RFC1: variants seen among roughly 807,000 people sequenced by gnomAD.
RFC1 encodes replication factor C subunit 1, also known as A1 140 kDa subunit.
In RFC1, 37 loss-of-function variants were observed where a neutral mutation model predicts 137.4. The ratio of observed to expected loss-of-function variants is 0.27; its 90% CI spans 0.21 to 0.35. The LOEUF is 0.35. RFC1 is among the 10% of genes least tolerant of loss of function. The probability of loss-of-function intolerance (pLI) is 1.00; values close to 1 mark genes in which losing one functional copy is unlikely to be tolerated. For synonymous variants in RFC1, 429 were observed against 455.7 expected (o/e 0.94, Z 0.75); for missense variants, 1,205 against 1,358.5 (o/e 0.89, Z 1.78).
In RFC1 at chr4:39,326,644, T is replaced by C; in HGVS notation, c.565-4A>G. 19 of 1,609,098 alleles carry C rather than the reference T, an allele frequency of 1.2e-5. No individual in the cohort carries two copies. The highest frequency in any genetic ancestry group is 1.4e-5 in the Non-Finnish European group (17 of 1,176,674). On this transcript the variant is annotated splice_region_variant and splice_polypyrimidine_tract_variant and intron_variant, in intron 5 of 24. Coordinates refer to ENST00000349703, the MANE Select transcript of RFC1 (RefSeq NM_002913.5). ...ACTCATCTGTATTTTGTGAAAGCTA[T>C]ATTTCAAAGAAAATCAAGCAAAATC... is the stretch of plus-strand genomic sequence containing the variant.
At chr4:39,331,225 ATTTGC>A (rs1156902647) in intron 4 of RFC1, among the ~76,000 whole-genome samples, 3 of 152,180 alleles carry the variant, frequency 2.0e-5, no homozygotes, top group Non-Finnish European at 4.4e-5. Context: ...TATAATGTTT[ATTTGC>A]TTTAAGTTCA....
Position 39,352,892 on chromosome 4 carries a change from C to T in RFC1, c.4-1416G>A, listed in dbSNP as rs950084871. On this transcript the variant is annotated intron_variant, in intron 1 of 24. Transcript: ENST00000349703. ...TTTTTATCACTTTTTATCCCTACAA[C>T]CTACCTCTCTTTATTGCCTGAGAGA... Among the ~76,000 whole-genome samples, 4 of 152,154 alleles carry T rather than the reference C, an allele frequency of 2.6e-5. No homozygotes were observed. The East Asian group carries it at 5.8e-4, about 22-fold the overall frequency.
chr4:39,291,697 A>T lies in RFC1; in HGVS notation c.3110T>A (p.Ile1037Asn). ...GCCACCCCAGCTGCTGATTTCCATG[A>T]TATTCTCAAAGTCTTCTTTCATCAA... ...YYLMKEDFENIMEISSWGGKP... is the reference protein window; with the variant it reads ...YYLMKEDFENNMEISSWGGKP... Residue 1037 changes from isoleucine (I) to asparagine (N), a missense_variant, in exon 23 of 25, where the codon ATC becomes AAC. This residue lies in a region of RFC1 where 237 missense variants were observed against 304.2 expected (regional missense o/e 0.78). Transcript: ENST00000349703. 6.2e-7 allele frequency: 1 copy of T among 1,614,114 alleles called. No homozygotes were observed. The highest frequency in any genetic ancestry group is 8.5e-7 in the Non-Finnish European group (1 of 1,180,004).
chr4:39,328,831 C>T (rs991191964), intron 4 of RFC1, among the ~76,000 whole-genome samples: 3 of 152,102 alleles, frequency 2.0e-5, no homozygotes, highest in Admixed American at 1.3e-4. Context: ...AGGGAGACCA[C>T]TTAGAAAGCT....
chr4:39,362,372 T>C (rs1170061562), intron 1 of RFC1, among the ~76,000 whole-genome samples: 2 of 152,196 alleles, frequency 1.3e-5, no homozygotes, highest in Non-Finnish European at 2.9e-5. Flanking sequence ...GTGGAGGACA[T>C]ACTTCCTGAC....
At chr4:39,322,534 T>C (rs2109673127) in intron 7 of RFC1, 2 of 152,350 alleles carry the variant, frequency 1.3e-5, no homozygotes, top group Middle Eastern at 6.8e-3. Flanking sequence ...TGATTAATAC[T>C]GAAGTTATTA....
chr4:39,294,744 T>C (rs1578102188), intron 22 of RFC1, among the ~76,000 whole-genome samples: 1 of 151,934 alleles, frequency 6.6e-6, no homozygotes, highest in South Asian at 2.1e-4. Flanking sequence ...GGCTCACGCC[T>C]GTAATCTCAA....
chr4:39,327,462 C>T, intron 5 of RFC1, 62 bp downstream of exon 5: 1 of 997,874 alleles, frequency 1.0e-6, no homozygotes, highest in Non-Finnish European at 1.5e-6. Context: ...CTAGTTTCTC[C>T]TGTTAATATT....
At chr4:39,349,228 C>T (rs77005976) in intron 2 of RFC1, among the ~76,000 whole-genome samples, 8,252 of 152,178 alleles carry the variant, frequency 0.054, 261 homozygotes, top group African/African-American at 0.076. Context: ...GCAAGAAGGA[C>T]ATAAATTCTG....
chr4:39,294,273 G>A (rs954244312), intron 22 of RFC1, among the ~76,000 whole-genome samples: 2 of 152,142 alleles, frequency 1.3e-5, no homozygotes, highest in Non-Finnish European at 2.9e-5. Context: ...AACTAGCTCA[G>A]GTCAGCTCTA....
intron 4 of RFC1, among the ~76,000 whole-genome samples, chr4:39,331,559 T>G (rs1057108025): frequency 2.5e-4 from 38 of 152,162 alleles, no homozygotes; most frequent in African/African-American, 8.9e-4. Context: ...GATGTGAGTA[T>G]TGTGTATAAT....
chr4:39,355,745 T>G (rs1741440844), intron 1 of RFC1: 1 of 152,348 alleles, frequency 6.6e-6, no homozygotes, highest in African/African-American at 2.4e-5. Flanking sequence ...GGCTAACCCC[T>G]GTAATACCAG....
At chr4:39,341,825 T>C (rs1740618201) in intron 4 of RFC1, among the ~76,000 whole-genome samples, 1 of 152,224 alleles carries the variant, frequency 6.6e-6, no homozygotes, top group Admixed American at 6.5e-5. Context: ...CACATAATTA[T>C]TTATAAATGT....
intron 1 of RFC1, among the ~76,000 whole-genome samples, chr4:39,357,491 A>G (rs1741534566): frequency 6.6e-6 from 1 of 152,238 alleles, no homozygotes. Flanking sequence ...TCATACCTGC[A>G]TAACTGGGAT....
chr4:39,305,939 A>G (rs1560595398), intron 14 of RFC1, among the ~76,000 whole-genome samples: 1 of 152,246 alleles, frequency 6.6e-6, no homozygotes, highest in Non-Finnish European at 1.5e-5. Flanking sequence ...ATACAACAAA[A>G]AAACAAAAGA....
rs17754 is a variant in RFC1 at position 39,287,688 on chromosome 4, G to C, written c.*1073C>G. On this transcript the variant is annotated 3_prime_UTR_variant, in exon 25 of 25. Transcript: ENST00000349703. ...TACCAACAAGATTAAAAAATAGCTA[G>C]ACATCTAAATTCCAGGCTAGGTCCA... The C allele has an allele frequency of 0.47, 71,237 of 152,004 alleles. 19,139 individuals carry two copies. Among genetic ancestry groups the C allele is most frequent in the East Asian group, 0.62 (3,230 of 5,170 alleles). The allele number at this position is 152,004 out of a possible 1,614,324, so 9.4% of individuals were successfully genotyped here. A position where few individuals can be genotyped will look rare whatever the true frequency, so the allele number is the denominator to read the frequency against.
intron 1 of RFC1, among the ~76,000 whole-genome samples, chr4:39,357,713 T>C (rs896659264): frequency 6.6e-6 from 1 of 151,696 alleles, no homozygotes; most frequent in Non-Finnish European, 1.5e-5. Context: ...AACTCCCAGG[T>C]TCATGCAGTT....
chr4:39,342,524 C>T (rs1740657609), intron 3 of RFC1, 57 bp from the exon 4 acceptor site: 2 of 1,556,190 alleles, frequency 1.3e-6, no homozygotes, highest in Admixed American at 1.7e-5. Context: ...TAATATAGTG[C>T]ATGTTTAAAG....
At chr4:39,337,816 A>T (rs1740432844) in intron 4 of RFC1, among the ~76,000 whole-genome samples, 5 of 152,228 alleles carry the variant, frequency 3.3e-5, no homozygotes, top group Admixed American at 3.3e-4. Context: ...CTCTTATTAC[A>T]TGGTAACCTG....
Sources: gnomAD v4.1 joint callset for allele counts (sites outside exome capture counted in the v4.1 genomes callset) on GRCh38, gnomAD v4.1.1 for gene constraint, gnomAD v4.1.1 regional missense constraint, MANE v1.5 for transcripts, NCBI Gene and HGNC (gene_info 2026-07-23, HGNC 2026-07-21) for gene names.